Variants in UGP2 observed in about 807,000 individuals in gnomAD.
UGP2 encodes the protein UTP--glucose-1-phosphate uridylyltransferase.
Under a neutral mutation model 49.0 loss-of-function variants are expected in UGP2, and 40 were observed. The ratio of observed to expected loss-of-function variants is 0.82; its 90% CI spans 0.63 to 1.06. The LOEUF (loss-of-function observed/expected upper bound fraction) is 1.06, where lower values mean the gene tolerates loss of function less well. Ranked by LOEUF, UGP2 falls within the 50% of genes least tolerant of loss-of-function variation. The probability of loss-of-function intolerance (pLI) is 0.00; values close to 1 mark genes in which losing one functional copy is unlikely to be tolerated. For missense variants in UGP2, 460 were observed against 603.5 expected, an observed-to-expected ratio of 0.76 and a Z score of 2.49; for synonymous variants, 225 against 213.0, an observed-to-expected ratio of 1.06 and a Z score of -0.49.
Position 63,856,390 on chromosome 2 carries a change from A to G in UGP2, c.104A>G (p.Glu35Gly), listed in dbSNP as rs1238226797. 1 of 1,613,598 alleles carries G rather than the reference A, an allele frequency of 6.2e-7. No individual in the cohort carries two copies. The highest frequency in any genetic ancestry group is 1.1e-5 in the South Asian group (1 of 91,076). ...GAGCTAGAATTATCTGTGAAGAAGG[A>G]ACTAGAAAAAATACTCACCACAGCA... ...RQELELSVKK[E>G]LEKILTTASS... Residue 35 changes from glutamate to glycine, a missense_variant, in exon 2 of 10, where the codon GAA (glutamate) becomes GGA (glycine). Glu to Gly is a moderately conservative substitution (Grantham distance 98). Transcript: ENST00000337130.
At chr2:63,888,836 T>C (rs1671871703) in intron 8 of UGP2, 1 of 152,202 alleles carries the variant, frequency 6.6e-6, no homozygotes, top group Non-Finnish European at 1.5e-5. Flanking sequence ...AAAACAGCAC[T>C]ATCTGTGGAC....
At chr2:63,857,471 C>G (rs1669522068) in intron 2 of UGP2, 2 of 375,896 alleles carry the variant, frequency 5.3e-6, no homozygotes, top group South Asian at 3.9e-5. Context: ...TCAAGTGATC[C>G]TCCCACCTCA....
At chr2:63,858,563 TTC>T (rs1248175818) in intron 3 of UGP2, among the ~76,000 whole-genome samples, 1 of 152,114 alleles carries the variant, frequency 6.6e-6, no homozygotes, top group Admixed American at 6.5e-5. Flanking sequence ...TCACGTAATG[TTC>T]TCTCTGAGGA....
At chr2:63,850,990 T>A (rs973014643) in intron 1 of UGP2, among the ~76,000 whole-genome samples, 1 of 152,188 alleles carries the variant, frequency 6.6e-6, no homozygotes, top group African/African-American at 2.4e-5. Context: ...ACATATACTT[T>A]CACAGAATTT....
upstream of UGP2, chr2:63,841,246 G>A (rs1439541394): frequency 1.3e-5 from 2 of 152,160 alleles, no homozygotes; most frequent in Admixed American, 1.3e-4. Flanking sequence ...GGTCTCGCTG[G>A]CGGCTTGAGG....
chr2:63,886,012 A>C lies in UGP2; in HGVS notation c.873+126A>C, dbSNP rs1034877325. The C allele has an allele frequency of 6.4e-6, 7 of 1,095,188 alleles. No homozygotes were observed. In the African/African-American group the frequency reaches 9.6e-5, roughly 15 times the overall value. 67.8% of individuals were successfully genotyped at this position (1,095,188 alleles called of 1,614,324 possible). A position where few individuals can be genotyped will look rare whatever the true frequency, so the allele number is the denominator to read the frequency against. On this transcript the variant is annotated intron_variant, in intron 6 of 9. Transcript: ENST00000337130. ...ACATTTAATATGTTCTGTTTGACAT[A>C]ATAGTATGTATCATAAATCCATAAT...
chr2:63,852,891 A>G (rs919533575), intron 1 of UGP2, among the ~76,000 whole-genome samples: 2 of 152,124 alleles, frequency 1.3e-5, no homozygotes, highest in Non-Finnish European at 2.9e-5. Context: ...CAAAAGAGTA[A>G]TTTAGTTTGG....
rs1188287077 is a variant in UGP2 at position 63,891,456 on chromosome 2, T to G, written c.*229T>G. ...AGTTAGTTCATCTTAAAGTGCAATA[T>G]TGTTTAATCTTAAAACTGGGCAACT... is the stretch of plus-strand genomic sequence containing the variant. On this transcript the variant is annotated 3_prime_UTR_variant, in exon 10 of 10. Transcript: ENST00000337130. The G allele has an allele frequency of 3.0e-6, 1 of 335,422 alleles. No homozygotes were observed. The highest frequency in any genetic ancestry group is 4.7e-5 in the Admixed American group (1 of 21,204). 20.8% of individuals were successfully genotyped at this position (335,422 alleles called of 1,614,324 possible). A position where few individuals can be genotyped will look rare whatever the true frequency, so the allele number is the denominator to read the frequency against.
chr2:63,848,958 C>T (rs1363550352), intron 1 of UGP2, among the ~76,000 whole-genome samples: 2 of 152,146 alleles, frequency 1.3e-5, no homozygotes, highest in Admixed American at 6.5e-5. Context: ...CAAATGAAAT[C>T]GATTGTGCCC....
At position 63,887,149 on chromosome 2, in the gene UGP2, A is replaced by G. The variant is rs189320465; in HGVS notation, c.1072-253A>G. On this transcript the variant is annotated intron_variant, in intron 7 of 9. Coordinates refer to ENST00000337130, the MANE Select transcript of UGP2 (RefSeq NM_006759.4). ...GTAGGTGGCACATGCCTATAATTCC[A>G]GCTACTCGGGAAGCTGAGGCATAAG... Among the ~76,000 whole-genome samples, 381 of 152,110 alleles carry G rather than the reference A, an allele frequency of 2.5e-3. 2 individuals are homozygous for G. Among genetic ancestry groups the G allele is most frequent in the African/African-American group, 9.0e-3 (375 of 41,500 alleles).
Position 63,842,168 on chromosome 2 carries a change from T to A in UGP2, c.-18T>A, listed in dbSNP as rs1268393093. Reference sequence around the variant, plus strand: ...GAAAAAAAAAAAAAAAGCCGGAGTATTTTACTAAGCCCCTAAAATGTCGAG... The same window carrying A: ...GAAAAAAAAAAAAAAAGCCGGAGTAATTTACTAAGCCCCTAAAATGTCGAG... On this transcript the variant is annotated 5_prime_UTR_variant, in exon 1 of 10. Coordinates refer to ENST00000337130, the MANE Select transcript of UGP2 (RefSeq NM_006759.4). 1.3e-6 allele frequency: 2 copies of A among 1,580,436 alleles called. No homozygotes were observed.
At chr2:63,888,226 G>GGT in intron 8 of UGP2, 1 of 154,072 alleles carries the variant, frequency 6.5e-6, no homozygotes, top group South Asian at 2.0e-4. Flanking sequence ...GATTGAGTCT[G>GGT]ACAAATCGGT....
chr2:63,883,648 A>C (rs1173789220), intron 4 of UGP2, among the ~76,000 whole-genome samples: 1 of 152,132 alleles, frequency 6.6e-6, no homozygotes, highest in Admixed American at 6.5e-5. Flanking sequence ...CAAACTGCCT[A>C]GGGTGGGGAG....
chr2:63,883,665 G>T (rs1671467950), intron 4 of UGP2, among the ~76,000 whole-genome samples: 1 of 152,160 alleles, frequency 6.6e-6, no homozygotes, highest in African/African-American at 2.4e-5. Flanking sequence ...GGAGGTGGGG[G>T]TCCTGCCTCT....
In UGP2 at chr2:63,860,621, G is replaced by A. The variant is rs560296042; in HGVS notation, c.255+2685G>A. 3.3e-5 allele frequency among the ~76,000 whole-genome samples: 5 copies of A among 151,968 alleles called. No homozygotes were observed. In the South Asian group the frequency reaches 8.3e-4, roughly 25 times the overall value. ...TTTTTTATTTTCTTTTAGAGATGAG[G>A]TCTTGTTCTGTCACTCAGGCTGGAG... On this transcript the variant is annotated intron_variant, in intron 3 of 9. Transcript: ENST00000337130.
intron 3 of UGP2, among the ~76,000 whole-genome samples, chr2:63,860,104 G>A (rs1433205696): frequency 6.6e-6 from 1 of 152,026 alleles, no homozygotes; most frequent in East Asian, 1.9e-4. Context: ...CTTTCAAAAT[G>A]TAATTTTTAA....
intron 3 of UGP2, among the ~76,000 whole-genome samples, chr2:63,867,681 GTT>G (rs1201599619): frequency 6.6e-6 from 1 of 152,026 alleles, no homozygotes; most frequent in Non-Finnish European, 1.5e-5. Context: ...TTATATGTTT[GTT>G]ATCAGTGTAC....
chr2:63,869,163 C>A (rs1558948728), intron 3 of UGP2, among the ~76,000 whole-genome samples: 3 of 151,558 alleles, frequency 2.0e-5, no homozygotes, highest in Non-Finnish European at 4.4e-5. Context: ...TTTCAAGTAG[C>A]GGTAAGTGAA....
At chr2:63,880,856 A>T (rs1215845286) in intron 3 of UGP2, among the ~76,000 whole-genome samples, 1 of 152,012 alleles carries the variant, frequency 6.6e-6, no homozygotes, top group Non-Finnish European at 1.5e-5. Context: ...GTCATTTCAC[A>T]TCCCAATATT....
Sources: gnomAD v4.1 joint callset for allele counts (sites outside exome capture counted in the v4.1 genomes callset) on GRCh38, gnomAD v4.1.1 for gene constraint, MANE v1.5 for transcripts, NCBI Gene and HGNC (gene_info 2026-07-23, HGNC 2026-07-21) for gene names.